The following NTN1 variants were observed in gnomAD, a reference collection of about 807,000 sequenced individuals.
NTN1 encodes the protein netrin-1.
A neutral mutation model predicts 54.2 loss-of-function variants in NTN1; 11 were observed. The observed-to-expected ratio is 0.20, with a 90% CI of 0.13 to 0.34. The LOEUF (loss-of-function observed/expected upper bound fraction) is 0.34, where lower values mean the gene tolerates loss of function less well. NTN1 is among the 10% of genes least tolerant of loss of function. NTN1 has a pLI of 1.00. For synonymous variants in NTN1, 371 were observed against 382.0 expected (o/e 0.97, Z 0.33); for missense variants, 740 against 893.1 (o/e 0.83, Z 2.18).
rs114341924 is a variant in NTN1, at chr17:9,036,811, T to C, written c.1018+13420T>C. Among the ~76,000 whole-genome samples the C allele has an allele frequency of 8.5e-3, 1,298 of 152,232 alleles. 24 individuals carry two copies. The highest frequency in any genetic ancestry group is 0.03 in the African/African-American group (1,239 of 41,520). ...GCTCAACCAGAAGCAGCTCTATAAC[T>C]TGAATGATACATTTTCCAACCCTAC... is the stretch of plus-strand genomic sequence containing the variant. On this transcript the variant is annotated intron_variant, in intron 2 of 6. Transcript: ENST00000173229.
chr17:9,045,473 C>T (rs1024282929), intron 2 of NTN1, among the ~76,000 whole-genome samples: 3 of 152,114 alleles, frequency 2.0e-5, no homozygotes, highest in African/African-American at 7.2e-5. Flanking sequence ...AACGGGCAGG[C>T]GACCCAGCTT....
At chr17:9,228,084 C>G (rs1160616431) in intron 6 of NTN1, among the ~76,000 whole-genome samples, 1 of 152,124 alleles carries the variant, frequency 6.6e-6, no homozygotes, top group African/African-American at 2.4e-5. Context: ...AGTCCTGACC[C>G]TCAGAGAGCT....
chr17:9,190,906 T>C (rs1904436031), intron 5 of NTN1, among the ~76,000 whole-genome samples: 1 of 151,740 alleles, frequency 6.6e-6, no homozygotes, highest in South Asian at 2.1e-4. Context: ...ACTTAGCATA[T>C]GGTAAAGTTG....
In NTN1 at chr17:9,022,579, C is replaced by A; in HGVS notation, c.206C>A (p.Thr69Asn). The change falls in exon 2 of 7, where the codon ACC becomes AAC. Residue 69 changes from threonine (T) to asparagine (N), a missense_variant. Transcript: ENST00000173229. Reference protein sequence around the residue: ...AFGKDVRVSSTCGRPPARYCV... With the variant: ...AFGKDVRVSSNCGRPPARYCV... Reference sequence around the variant, plus strand: ...GGCAAGGACGTGCGCGTGTCCAGCACCTGCGGCCGGCCCCCGGCGCGCTAC... The same window carrying A: ...GGCAAGGACGTGCGCGTGTCCAGCAACTGCGGCCGGCCCCCGGCGCGCTAC... 2 of 1,546,240 alleles carry A rather than the reference C, an allele frequency of 1.3e-6. No individual in the cohort carries two copies. Among genetic ancestry groups the A allele is most frequent in the Middle Eastern group, 1.7e-4 (1 of 5,976 alleles).
the NTN1 span, among the ~76,000 whole-genome samples, chr17:9,009,758 AT>A: frequency 6.6e-6 from 1 of 151,814 alleles, no homozygotes; most frequent in Non-Finnish European, 1.5e-5. Flanking sequence ...CATGAAAAAC[AT>A]TTTTCCATCA....
At chr17:9,189,024 C>G (rs1904379347) in intron 5 of NTN1, among the ~76,000 whole-genome samples, 1 of 152,100 alleles carries the variant, frequency 6.6e-6, no homozygotes, top group Non-Finnish European at 1.5e-5. Flanking sequence ...TACTGTTATC[C>G]CGAGAGAAGA....
At chr17:9,057,031 T>C (rs1057131251) in intron 2 of NTN1, among the ~76,000 whole-genome samples, 1 of 152,154 alleles carries the variant, frequency 6.6e-6, no homozygotes, top group Non-Finnish European at 1.5e-5. Context: ...TCTTTCTCCA[T>C]GCAAAATCTT....
At chr17:9,189,351 T>A (rs1177894083) in intron 5 of NTN1, among the ~76,000 whole-genome samples, 1 of 151,856 alleles carries the variant, frequency 6.6e-6, no homozygotes, top group African/African-American at 2.4e-5. Flanking sequence ...ACAGAAGTTA[T>A]GTTTTTGTTT....
chr17:9,146,497 T>C (rs1266250570), intron 2 of NTN1, among the ~76,000 whole-genome samples: 1 of 152,218 alleles, frequency 6.6e-6, no homozygotes, highest in Non-Finnish European at 1.5e-5. Flanking sequence ...ACCTTGCTTA[T>C]GCATACCTTG....
chr17:9,095,893 G>A (rs1180669124), intron 2 of NTN1, among the ~76,000 whole-genome samples: 1 of 151,800 alleles, frequency 6.6e-6, no homozygotes, highest in African/African-American at 2.4e-5. Context: ...TCTGCCTCCC[G>A]GGTTCAAGCG....
intron 6 of NTN1, among the ~76,000 whole-genome samples, chr17:9,233,522 C>T (rs1469611030): frequency 6.6e-6 from 1 of 151,964 alleles, no homozygotes; most frequent in African/African-American, 2.4e-5. Flanking sequence ...AATGCAGGGT[C>T]CTCAGAAGGT....
chr17:9,146,633 G>A (rs75964723), intron 2 of NTN1, among the ~76,000 whole-genome samples: 8,007 of 150,752 alleles, frequency 0.053, 276 homozygotes, highest in Middle Eastern at 0.078. Context: ...ACACCCTGGG[G>A]CTCCTGGCAG....
intron 5 of NTN1, among the ~76,000 whole-genome samples, chr17:9,204,515 G>A (rs777106845): frequency 2.0e-5 from 3 of 152,114 alleles, no homozygotes; most frequent in Non-Finnish European, 2.9e-5. Flanking sequence ...GGCTGGTCTC[G>A]AACTCCTGGC....
chr17:9,164,199 C>T (rs148253792), intron 3 of NTN1, among the ~76,000 whole-genome samples: 18 of 152,276 alleles, frequency 1.2e-4, no homozygotes, highest in Admixed American at 2.0e-4. Flanking sequence ...CCAAGACGGG[C>T]GGATCACCCT....
At chr17:9,131,089 G>T (rs138093564) in intron 2 of NTN1, among the ~76,000 whole-genome samples, 150 of 152,232 alleles carry the variant, frequency 9.9e-4, no homozygotes, top group Middle Eastern at 3.4e-3. Flanking sequence ...CAGGGCCTTT[G>T]CACTGGCTGT....
intron 2 of NTN1, among the ~76,000 whole-genome samples, chr17:9,036,858 A>G (rs9889294): frequency 0.6 from 90,828 of 151,904 alleles, 27,819 homozygotes; most frequent in East Asian, 0.96. Flanking sequence ...GGTTCCCTCA[A>G]AGGACTGCTC....
chr17:9,152,910 C>G (rs1047862862), intron 2 of NTN1, among the ~76,000 whole-genome samples: 8 of 152,186 alleles, frequency 5.3e-5, no homozygotes, highest in African/African-American at 1.4e-4. Flanking sequence ...GGCCCCAGCT[C>G]TCTTTCCTCT....
intron 2 of NTN1, among the ~76,000 whole-genome samples, chr17:9,082,387 T>A (rs2092074312): frequency 6.6e-6 from 1 of 152,218 alleles, no homozygotes; most frequent in African/African-American, 2.4e-5. Context: ...AAAAATAATT[T>A]TGCCTCAATC....
intron 2 of NTN1, among the ~76,000 whole-genome samples, chr17:9,110,095 C>T (rs2092184877): frequency 6.6e-6 from 1 of 152,102 alleles, no homozygotes; most frequent in Non-Finnish European, 1.5e-5. Flanking sequence ...ATCCTCTGAC[C>T]TGATTTTTGC....
Sources: gnomAD v4.1 joint callset for allele counts (sites outside exome capture counted in the v4.1 genomes callset) on GRCh38, gnomAD v4.1.1 for gene constraint, MANE v1.5 for transcripts, NCBI Gene and HGNC (gene_info 2026-07-23, HGNC 2026-07-21) for gene names.